CCDC7: variants seen among roughly 807,000 people sequenced by gnomAD.
CCDC7 encodes coiled-coil domain-containing protein 7.
CCDC7 carries 183 observed loss-of-function variants against 196.9 expected under a neutral mutation model. The observed-to-expected ratio is 0.93, with a 90% CI of 0.82 to 1.05. CCDC7 has a LOEUF of 1.05. Among genes scored for constraint, CCDC7 ranks in the 50% least tolerant of loss-of-function variants. The pLI, the probability that CCDC7 is intolerant of heterozygous loss-of-function variation, is 0.00. For missense variants in CCDC7, 1,540 were observed against 1,482.2 expected, an observed-to-expected ratio of 1.04 and a Z score of -0.64; for synonymous variants, 525 against 484.6, an observed-to-expected ratio of 1.08 and a Z score of -1.10.
chr10:32,708,714 GA>G (rs2080258048), intron 24 of CCDC7, among the ~76,000 whole-genome samples: 2 of 152,152 alleles, frequency 1.3e-5, no homozygotes, highest in South Asian at 4.1e-4. Flanking sequence ...AAAAACACAT[GA>G]AAAAATGCTC....
In CCDC7 at chr10:32,855,182, C is replaced by CT. The variant is rs200441541; in HGVS notation, c.4111+700dup. 1.1e-3 allele frequency among the ~76,000 whole-genome samples: 163 copies of CT among 149,080 alleles called. 2 individuals carry two copies. The highest frequency in any genetic ancestry group is 0.011 in the East Asian group (55 of 5,122). ...GCAATCTCTATTGAAATCCCAAATA[C>CT]TTTTTTTACAGAAAAATGTAAGTTT... On this transcript the variant is annotated intron_variant, in intron 41 of 41. Coordinates refer to ENST00000639629, the Ensembl canonical transcript of CCDC7.
chr10:32,868,576 T>G (rs768185047), intron 41 of CCDC7, among the ~76,000 whole-genome samples: 72 of 152,110 alleles, frequency 4.7e-4, no homozygotes, highest in Non-Finnish European at 8.8e-4. Context: ...CATTATTCTT[T>G]TTTTTTAATA....
chr10:32,595,573 G>A (rs1053545674), intron 18 of CCDC7, among the ~76,000 whole-genome samples: 3 of 151,924 alleles, frequency 2.0e-5, no homozygotes, highest in Non-Finnish European at 2.9e-5. Context: ...GTTATTTCTT[G>A]CCTTCTGCAA....
intron 20 of CCDC7, among the ~76,000 whole-genome samples, chr10:32,642,629 C>T (rs1284317242): frequency 6.6e-6 from 1 of 152,208 alleles, no homozygotes; most frequent in East Asian, 1.9e-4. Context: ...CCTCACCCTG[C>T]TTCAGCTTAG....
At chr10:32,848,384 G>A (rs1332204703) in intron 38 of CCDC7, among the ~76,000 whole-genome samples, 1 of 151,994 alleles carries the variant, frequency 6.6e-6, no homozygotes, top group Non-Finnish European at 1.5e-5. Flanking sequence ...TTGAAATTAA[G>A]GAAGATACTG....
intron 18 of CCDC7, among the ~76,000 whole-genome samples, chr10:32,617,567 G>A (rs1590662487): frequency 6.6e-6 from 1 of 151,758 alleles, no homozygotes. Context: ...GAAGCCTACT[G>A]TTTAAATTTC....
intron 9 of CCDC7, chr10:32,511,804 A>G (rs11596289): frequency 0.44 from 494,501 of 1,135,054 alleles, 116,904 homozygotes; most frequent in Non-Finnish European, 0.5. Context: ...GATGACGACA[A>G]TGACGCGCCA....
chr10:32,624,846 G>A (rs1169158985), intron 18 of CCDC7, among the ~76,000 whole-genome samples: 1 of 151,806 alleles, frequency 6.6e-6, no homozygotes, highest in African/African-American at 2.4e-5. Flanking sequence ...TTTTTAATTG[G>A]ATTATTTGGG....
intron 18 of CCDC7, 131 bp downstream of exon 19, chr10:32,584,435 C>A (rs2137543434): frequency 1.9e-6 from 1 of 520,646 alleles, no homozygotes; most frequent in Non-Finnish European, 3.3e-6. Flanking sequence ...CACTGGATAG[C>A]ATACAAATAT....
At chr10:32,865,045 G>A (rs948016948) in intron 41 of CCDC7, among the ~76,000 whole-genome samples, 2 of 151,752 alleles carry the variant, frequency 1.3e-5, no homozygotes, top group African/African-American at 4.8e-5. Context: ...ATAAGTTTGC[G>A]ACCTTACTGA....
intron 18 of CCDC7, among the ~76,000 whole-genome samples, chr10:32,631,728 T>A (rs562987676): frequency 6.6e-6 from 1 of 152,002 alleles, no homozygotes; most frequent in Non-Finnish European, 1.5e-5. Context: ...AATCTGTAAA[T>A]CAGTTGGAAT....
At chr10:32,669,175 C>T (rs1282804095) in intron 21 of CCDC7, among the ~76,000 whole-genome samples, 1 of 152,048 alleles carries the variant, frequency 6.6e-6, no homozygotes, top group Non-Finnish European at 1.5e-5. Flanking sequence ...TTTTGTCCTT[C>T]ATTCTGTTAA....
chr10:32,738,848 C>A (rs936889471), intron 28 of CCDC7, among the ~76,000 whole-genome samples: 2 of 152,050 alleles, frequency 1.3e-5, no homozygotes, highest in Admixed American at 6.6e-5. Flanking sequence ...GTATTATATT[C>A]CTTCTCTCTG....
At chr10:32,744,667 G>A (rs1194087946) in intron 28 of CCDC7, among the ~76,000 whole-genome samples, 1 of 152,220 alleles carries the variant, frequency 6.6e-6, no homozygotes, top group East Asian at 1.9e-4. Context: ...CAAATGGGAT[G>A]TTTGTTTTAA....
At chr10:32,596,757 A>G (rs551460439) in intron 18 of CCDC7, among the ~76,000 whole-genome samples, 53 of 152,016 alleles carry the variant, frequency 3.5e-4, no homozygotes, top group Non-Finnish European at 6.5e-4. Context: ...TTTGTCTGTA[A>G]AGTATTTTAT....
chr10:32,879,511 A>C (rs2094712850), downstream of CCDC7, among the ~76,000 whole-genome samples: 1 of 152,086 alleles, frequency 6.6e-6, no homozygotes, highest in Admixed American at 6.6e-5. Context: ...GACACTTCCA[A>C]ACCCCAAACA....
upstream of CCDC7, among the ~76,000 whole-genome samples, chr10:32,444,028 T>C (rs1313580221): frequency 6.6e-6 from 1 of 152,216 alleles, no homozygotes; most frequent in Non-Finnish European, 1.5e-5. Flanking sequence ...GGAAATTGTA[T>C]GTTGTCTGGG....
chr10:32,653,477 G>T (rs548813068), intron 20 of CCDC7, among the ~76,000 whole-genome samples: 1 of 152,252 alleles, frequency 6.6e-6, no homozygotes, highest in South Asian at 2.1e-4. Flanking sequence ...TCTCTTCAAT[G>T]AATATTTTCT....
At chr10:32,455,736 G>A (rs1262453698) in intron 2 of CCDC7, among the ~76,000 whole-genome samples, 8 of 152,140 alleles carry the variant, frequency 5.3e-5, no homozygotes, top group Non-Finnish European at 8.8e-5. Flanking sequence ...TCTGATTTAC[G>A]AATCACTGCT....
Sources: allele counts gnomAD v4.1 joint callset (sites outside exome capture counted in the v4.1 genomes callset), GRCh38; gene constraint gnomAD v4.1.1; transcripts MANE v1.5; gene names NCBI Gene and HGNC (gene_info 2026-07-23, HGNC 2026-07-21).